The following PDZD2 variants were observed in gnomAD, a reference collection of about 807,000 sequenced individuals.
PDZD2 encodes the protein PDZ domain containing 2, also known as PDZ domain-containing protein 2.
A neutral mutation model predicts 220.7 loss-of-function variants in PDZD2; 90 were observed. The observed-to-expected ratio is 0.41, with a 90% CI of 0.34 to 0.49. The LOEUF is 0.49. Ranked by LOEUF, PDZD2 falls within the 20% of genes least tolerant of loss-of-function variation. PDZD2 has a pLI of 0.28. For missense variants in PDZD2, 3,174 were observed against 3,608.5 expected, an observed-to-expected ratio of 0.88 and a Z score of 3.08; for synonymous variants, 1,375 against 1,450.5, an observed-to-expected ratio of 0.95 and a Z score of 1.18.
At chr5:31,840,517 G>T (rs1166664029) in intron 2 of PDZD2, 2 of 544,010 alleles carry the variant, frequency 3.7e-6, no homozygotes, top group Admixed American at 2.6e-5. Flanking sequence ...ATAGGGAATG[G>T]GTTCCAGCAG....
At position 31,914,295 on chromosome 5, in the gene PDZD2, G is replaced by A. The variant is rs183486205; in HGVS notation, c.477-68860G>A. Among the ~76,000 whole-genome samples the A allele has an allele frequency of 5.3e-3, 800 of 152,346 alleles. 6 individuals carry two copies. Among genetic ancestry groups the A allele is most frequent in the African/African-American group, 0.018 (757 of 41,592 alleles). On this transcript the variant is annotated intron_variant, in intron 2 of 24. Coordinates refer to ENST00000438447, the MANE Select transcript of PDZD2 (RefSeq NM_178140.4). ...GCCCGTAATCCCAATACTTTGGGGGGCTGAGGCGGGTGGATCACGAGGTCA... is the reference window on the plus strand; with the variant it reads ...GCCCGTAATCCCAATACTTTGGGGGACTGAGGCGGGTGGATCACGAGGTCA...
intron 10 of PDZD2, among the ~76,000 whole-genome samples, chr5:32,056,839 C>T (rs1182911054): frequency 6.6e-6 from 1 of 152,148 alleles, no homozygotes; most frequent in African/African-American, 2.4e-5. Context: ...CCTGTAATCC[C>T]CGCACTTTGG....
At position 31,912,454 on chromosome 5, in the gene PDZD2, G is replaced by C. The variant is rs142995990; in HGVS notation, c.477-70701G>C. ...TGCTAAAATCCTAACCCCCAAGGGGGTTCCTCCAATTTTGGAGGAACACAA... is the reference window on the plus strand; with the variant it reads ...TGCTAAAATCCTAACCCCCAAGGGGCTTCCTCCAATTTTGGAGGAACACAA... On this transcript the variant is annotated intron_variant, in intron 2 of 24. Coordinates refer to ENST00000438447, the MANE Select transcript of PDZD2 (RefSeq NM_178140.4). Among the ~76,000 whole-genome samples, 512 of 152,250 alleles carry C rather than the reference G, an allele frequency of 3.4e-3. 2 individuals are homozygous for C. Among genetic ancestry groups the C allele is most frequent in the African/African-American group, 0.012 (491 of 41,548 alleles).
At chr5:32,107,219 TACAAAGCTAG>T (rs1357203187) in intron 24 of PDZD2, 4 of 152,156 alleles carry the variant, frequency 2.6e-5, no homozygotes, top group African/African-American at 4.8e-5. Context: ...TCAAAGCTCA[TACAAAGCTAG>T]ACAAAGCTAT....
intron 2 of PDZD2, among the ~76,000 whole-genome samples, chr5:31,939,212 T>C (rs1279441230): frequency 6.6e-6 from 1 of 152,116 alleles, no homozygotes. Context: ...TAATCTACCA[T>C]GGGAGCTGGG....
intron 14 of PDZD2, among the ~76,000 whole-genome samples, chr5:32,066,306 C>G (rs1048707402): frequency 1.3e-5 from 2 of 151,828 alleles, no homozygotes; most frequent in African/African-American, 4.8e-5. Flanking sequence ...GATCACGCCA[C>G]TGCACTCCAG....
At chr5:31,794,142 A>C (rs1223083290) in intron 1 of PDZD2, among the ~76,000 whole-genome samples, 1 of 152,156 alleles carries the variant, frequency 6.6e-6, no homozygotes, top group Non-Finnish European at 1.5e-5. Flanking sequence ...TCTTTGGGGC[A>C]CAATTTCAAT....
chr5:31,968,030 C>G (rs1471004318), intron 2 of PDZD2, among the ~76,000 whole-genome samples: 2 of 152,166 alleles, frequency 1.3e-5, no homozygotes, highest in Non-Finnish European at 2.9e-5. Context: ...CACCCGGAAT[C>G]GACATATTGA....
intron 1 of PDZD2, among the ~76,000 whole-genome samples, chr5:31,682,551 T>C (rs1260323589): frequency 6.6e-6 from 1 of 152,172 alleles, no homozygotes; most frequent in East Asian, 1.9e-4. Context: ...ATTTTAAAGG[T>C]TAAAGAAATG....
intron 2 of PDZD2, among the ~76,000 whole-genome samples, chr5:31,866,616 CAGAA>C (rs1167460585): frequency 2.0e-5 from 3 of 152,316 alleles, no homozygotes; most frequent in South Asian, 2.1e-4. Flanking sequence ...AAAGGGAAGA[CAGAA>C]AGCTGCTGAC....
intron 2 of PDZD2, among the ~76,000 whole-genome samples, chr5:31,811,766 G>A (rs1755125164): frequency 6.6e-6 from 1 of 152,026 alleles, no homozygotes; most frequent in African/African-American, 2.4e-5. Flanking sequence ...AAGGCAGGTG[G>A]ATCACTTGAG....
intron 1 of PDZD2, among the ~76,000 whole-genome samples, chr5:31,642,866 G>A (rs944973996): frequency 9.9e-5 from 15 of 152,194 alleles, no homozygotes; most frequent in Admixed American, 9.2e-4. Flanking sequence ...GGAAAGGGCT[G>A]CGGTACTGCT....
chr5:31,643,393 T>A (rs1018074030), intron 1 of PDZD2, among the ~76,000 whole-genome samples: 2 of 152,182 alleles, frequency 1.3e-5, no homozygotes, highest in African/African-American at 2.4e-5. Flanking sequence ...AAATTTAATG[T>A]CCCTCTCTTT....
At chr5:31,657,439 G>A (rs1413455946) in intron 1 of PDZD2, 2 of 152,116 alleles carry the variant, frequency 1.3e-5, no homozygotes, top group Non-Finnish European at 2.9e-5. Flanking sequence ...TTTTATCAAC[G>A]ATTTGAATAC....
intron 1 of PDZD2, among the ~76,000 whole-genome samples, chr5:31,667,855 C>CTTTTTTTTTTTT (rs561833214): frequency 1.8e-4 from 14 of 77,962 alleles, no homozygotes; most frequent in African/African-American, 2.2e-4. Flanking sequence ...TTTTTTTTTC[C>CTTTTTTTTTTTT]TTTTTTTTTT....
intron 1 of PDZD2, among the ~76,000 whole-genome samples, chr5:31,750,637 G>A (rs1043741191): frequency 4.6e-5 from 7 of 152,148 alleles, no homozygotes; most frequent in Admixed American, 1.3e-4. Flanking sequence ...GTGCTGTGAC[G>A]GGCAGATCCA....
intron 7 of PDZD2, among the ~76,000 whole-genome samples, chr5:32,039,207 G>A (rs1222234488): frequency 6.7e-6 from 1 of 149,722 alleles, no homozygotes; most frequent in Non-Finnish European, 1.5e-5. Context: ...TCAGGCTCCC[G>A]TGATTCTTCT....
chr5:31,929,751 C>A (rs1745087786), intron 2 of PDZD2, among the ~76,000 whole-genome samples: 1 of 15,560 alleles, frequency 6.4e-5, no homozygotes. Context: ...ACTCGGGAGG[C>A]TGAAAAAAAA....
intron 2 of PDZD2, among the ~76,000 whole-genome samples, chr5:31,805,425 G>T (rs1351607273): frequency 6.6e-6 from 1 of 152,176 alleles, no homozygotes; most frequent in Non-Finnish European, 1.5e-5. Flanking sequence ...AAAGTGGTAA[G>T]TAGAAATTAG....
Sources: gnomAD v4.1 joint callset for allele counts (sites outside exome capture counted in the v4.1 genomes callset) on GRCh38, gnomAD v4.1.1 for gene constraint, MANE v1.5 for transcripts, NCBI Gene and HGNC (gene_info 2026-07-23, HGNC 2026-07-21) for gene names.